Variants in ZNF225 observed in about 807,000 individuals in gnomAD.
The protein encoded by ZNF225 is zinc finger protein 225.
ZNF225 carries 6 observed loss-of-function variants against 12.0 expected under a neutral mutation model. The observed-to-expected ratio is 0.50, with a 90% CI of 0.27 to 0.98. The LOEUF (loss-of-function observed/expected upper bound fraction) is 0.98. Among genes scored for constraint, ZNF225 ranks in the 50% least tolerant of loss-of-function variants. ZNF225 has a pLI of 0.11. For synonymous variants in ZNF225, 271 were observed against 283.2 expected, an observed-to-expected ratio of 0.96 and a Z score of 0.43; for missense variants, 763 against 848.2, an observed-to-expected ratio of 0.90 and a Z score of 1.25.
chr19:44,130,775 TC>T, intron 4 of ZNF225, 74 bp from the exon 5 acceptor site: 1 of 1,318,368 alleles, frequency 7.6e-7, no homozygotes, highest in Non-Finnish European at 1.0e-6. Flanking sequence ...TCAGGCTATG[TC>T]CTAAGTATGA....
At chr19:44,130,245 A>G (rs1182817574) in intron 4 of ZNF225, 1 of 152,278 alleles carries the variant, frequency 6.6e-6, no homozygotes, top group Non-Finnish European at 1.5e-5. Context: ...CAAAAAGTGT[A>G]AAAATTAGCT....
At chr19:44,123,239 A>G (rs1056653331) in intron 4 of ZNF225, among the ~76,000 whole-genome samples, 1 of 152,136 alleles carries the variant, frequency 6.6e-6, no homozygotes, top group African/African-American at 2.4e-5. Flanking sequence ...TTCTACATCT[A>G]TTGAGATGAT....
intron 4 of ZNF225, among the ~76,000 whole-genome samples, chr19:44,120,893 C>T (rs1334682850): frequency 4.2e-5 from 4 of 95,488 alleles, no homozygotes; most frequent in African/African-American, 1.5e-4. Context: ...TCCCCAAAGT[C>T]CATTTCTCTC....
chr19:44,112,951 T>C (rs902565563), upstream of ZNF225: 1 of 152,212 alleles, frequency 6.6e-6, no homozygotes, highest in African/African-American at 2.4e-5. Context: ...TTTTCTGTCC[T>C]GGACCAGGGA....
rs942009818 is a variant in ZNF225 at position 44,113,556 on chromosome 19, G to T, written c.-82G>T. ...ATCGAATTAGGGGAAAAGAAACCTCGTCGGAGAGCAGAGGTTTGGCGGAGC... is the reference window on the plus strand; with the variant it reads ...ATCGAATTAGGGGAAAAGAAACCTCTTCGGAGAGCAGAGGTTTGGCGGAGC... On this transcript the variant is annotated 5_prime_UTR_variant, in exon 1 of 5. Coordinates refer to ENST00000262894, the MANE Select transcript of ZNF225 (RefSeq NM_013362.4). 6.6e-6 allele frequency: 1 copy of T among 152,182 alleles called. No individual in the cohort carries two copies. The allele number at this position is 152,182 out of a possible 1,614,324, so 9.4% of individuals were successfully genotyped here. A position where few individuals can be genotyped will look rare whatever the true frequency, so the allele number is the denominator to read the frequency against.
At chr19:44,115,443 C>A in intron 1 of ZNF225, 1 of 166,688 alleles carries the variant, frequency 6.0e-6, no homozygotes, top group Non-Finnish European at 1.3e-5. Context: ...GATATAGGAT[C>A]ATGCAATATG....
Position 44,118,398 on chromosome 19 carries a change from G to A in ZNF225, c.142+84G>A, listed in dbSNP as rs1967986842. 13 of 1,610,444 alleles carry A rather than the reference G, an allele frequency of 8.1e-6. No homozygotes were observed. The Admixed American group carries it at 2.2e-4, about 27-fold the overall frequency. On this transcript the variant is annotated intron_variant, in intron 3 of 4. Transcript: ENST00000262894. ...GAGTGTTCAAGTTTGAGTATGCATTGGGAACCTAAGTTTCCAGTAAATTTT... is the reference window on the plus strand; with the variant it reads ...GAGTGTTCAAGTTTGAGTATGCATTAGGAACCTAAGTTTCCAGTAAATTTT...
In ZNF225 at chr19:44,118,820, C is replaced by CTTTT. The variant is rs111822475; in HGVS notation, c.235+257_235+260dup. Among the ~76,000 whole-genome samples, 119 of 143,472 alleles carry CTTTT rather than the reference C, an allele frequency of 8.3e-4. 1 individual carries two copies. Among genetic ancestry groups the CTTTT allele is most frequent in the African/African-American group, 2.9e-3 (114 of 38,918 alleles). The allele number at this position is 143,472 out of a possible 152,430, so 94.1% of individuals were successfully genotyped here. A position where few individuals can be genotyped will look rare whatever the true frequency, so the allele number is the denominator to read the frequency against. On this transcript the variant is annotated intron_variant, in intron 4 of 4. Coordinates refer to ENST00000262894, the MANE Select transcript of ZNF225 (RefSeq NM_013362.4). The stretch of plus-strand genomic sequence containing the variant: ...CTCGGCTCAAAAGCCTTTCTGGCTT[C>CTTTT]TTTTTTTTTTTTTTGAGATGGAGTC...
chr19:44,117,225 ATT>A (rs1170239701), intron 2 of ZNF225, among the ~76,000 whole-genome samples: 1 of 152,214 alleles, frequency 6.6e-6, no homozygotes, highest in African/African-American at 2.4e-5. Context: ...TAATATGAAA[ATT>A]ATTAGAGAGG....
intron 4 of ZNF225, chr19:44,129,138 AT>A: frequency 8.2e-7 from 1 of 1,224,826 alleles, no homozygotes; most frequent in Non-Finnish European, 1.0e-6. Context: ...GACAAATGAG[AT>A]TATACATGTT....
At chr19:44,118,371 T>C in intron 3 of ZNF225, 57 bp downstream of exon 3, 7 of 1,610,566 alleles carry the variant, frequency 4.3e-6, no homozygotes, top group Non-Finnish European at 5.9e-6. Context: ...CTTTGTATCC[T>C]AGAGTGTTCA....
chr19:44,123,500 G>C (rs1423183602), intron 4 of ZNF225, among the ~76,000 whole-genome samples: 1 of 152,094 alleles, frequency 6.6e-6, no homozygotes, highest in Non-Finnish European at 1.5e-5. Context: ...GGTGATGCTG[G>C]TTTCCTAGGA....
At chr19:44,128,029 T>C (rs79896914) in intron 4 of ZNF225, among the ~76,000 whole-genome samples, 6,749 of 152,308 alleles carry the variant, frequency 0.044, 182 homozygotes, top group South Asian at 0.071. Flanking sequence ...AATTCTCTGA[T>C]GTCTCAGAAA....
chr19:44,120,967 G>C (rs959057728), intron 4 of ZNF225, among the ~76,000 whole-genome samples: 1 of 151,830 alleles, frequency 6.6e-6, no homozygotes, highest in Non-Finnish European at 1.5e-5. Flanking sequence ...TGCCATCTCG[G>C]CTCACTGCAG....
At chr19:44,115,632 T>A (rs1599671963) in intron 1 of ZNF225, 128 bp from the exon 2 acceptor site, 1 of 503,386 alleles carries the variant, frequency 2.0e-6, no homozygotes, top group East Asian at 3.3e-5. Flanking sequence ...GTGTGCAGTT[T>A]TGGGTTACTA....
intron 4 of ZNF225, among the ~76,000 whole-genome samples, chr19:44,125,949 A>G (rs1023642355): frequency 4.0e-5 from 6 of 151,434 alleles, no homozygotes; most frequent in Admixed American, 3.3e-4. Context: ...TTATTGTATC[A>G]TTTTTTGGAT....
At chr19:44,127,410 C>T (rs555526887) in intron 4 of ZNF225, among the ~76,000 whole-genome samples, 73 of 152,294 alleles carry the variant, frequency 4.8e-4, no homozygotes, top group Middle Eastern at 3.4e-3. Flanking sequence ...CCTGCAGGAG[C>T]AGTCCACTTC....
intron 4 of ZNF225, chr19:44,128,903 C>T (rs16978732): frequency 0.038 from 16,550 of 438,430 alleles, 392 homozygotes; most frequent in South Asian, 0.072. Flanking sequence ...TTTCTGCTAT[C>T]TGTTTTCAAT....
chr19:44,130,751 T>C, intron 4 of ZNF225, 99 bp from the exon 5 acceptor site: 3 of 805,500 alleles, frequency 3.7e-6, no homozygotes, highest in Non-Finnish European at 3.9e-6. Context: ...ACATTCCCTA[T>C]ATTTATTAAA....
Sources: gnomAD v4.1 joint callset for allele counts (sites outside exome capture counted in the v4.1 genomes callset) on GRCh38, gnomAD v4.1.1 for gene constraint, MANE v1.5 for transcripts, NCBI Gene and HGNC (gene_info 2026-07-23, HGNC 2026-07-21) for gene names.